The following WDR47 variants were observed in gnomAD, a reference collection of about 807,000 sequenced individuals.
The protein encoded by WDR47 is WD repeat domain 47.
Under a neutral mutation model 97.2 loss-of-function variants are expected in WDR47, and 32 were observed. The ratio of observed to expected loss-of-function variants is 0.33; its 90% CI spans 0.25 to 0.44. The LOEUF is 0.44. Ranked by LOEUF, WDR47 falls within the 20% of genes least tolerant of loss-of-function variation. The pLI, the probability that WDR47 is intolerant of heterozygous loss-of-function variation, is 1.00. For synonymous variants in WDR47, 375 were observed against 373.5 expected, an observed-to-expected ratio of 1.00 and a Z score of -0.05; for missense variants, 782 against 1,102.3, an observed-to-expected ratio of 0.71 and a Z score of 4.11.
At chr1:108,971,738 G>A (rs1657471856) in intron 14 of WDR47, among the ~76,000 whole-genome samples, 166 bp from the exon 15 acceptor site, 1 of 152,036 alleles carries the variant, frequency 6.6e-6, no homozygotes, top group African/African-American at 2.4e-5. Flanking sequence ...ACCTAATTAT[G>A]CTATTAGTAT....
chr1:108,977,124 T>C (rs901760803), intron 13 of WDR47, among the ~76,000 whole-genome samples: 1 of 152,108 alleles, frequency 6.6e-6, no homozygotes, highest in African/African-American at 2.4e-5. Flanking sequence ...CCTAGAGTGG[T>C]AGCAATAAAC....
chr1:108,972,380 C>A (rs1657514619), intron 14 of WDR47, among the ~76,000 whole-genome samples: 1 of 152,116 alleles, frequency 6.6e-6, no homozygotes, highest in Admixed American at 6.6e-5. Context: ...TGCCCCCTTA[C>A]AATCTACTCT....
At chr1:108,992,564 C>T (rs1244055063) in intron 8 of WDR47, 35 of 1,472,322 alleles carry the variant, frequency 2.4e-5, no homozygotes, top group Non-Finnish European at 2.9e-5. Context: ...GCTGCACATG[C>T]TTAAAAACAC....
chr1:108,982,500 C>G, intron 12 of WDR47, 109 bp downstream of exon 12: 1 of 1,347,320 alleles, frequency 7.4e-7, no homozygotes, highest in Non-Finnish European at 1.0e-6. Context: ...CCACTGCACT[C>G]TGGACAGTAA....
chr1:109,001,629 C>T (rs1329078074), intron 7 of WDR47, among the ~76,000 whole-genome samples: 1 of 152,086 alleles, frequency 6.6e-6, no homozygotes, highest in African/African-American at 2.4e-5. Context: ...GTGGCTCATG[C>T]CTGTAATTCC....
At position 108,992,863 on chromosome 1, in the gene WDR47, A is replaced by G. The variant is rs1429371324; in HGVS notation, c.1692-1534T>C. On this transcript the variant is annotated intron_variant, in intron 8 of 14. Coordinates refer to ENST00000369962, the MANE Select transcript of WDR47 (RefSeq NM_001142551.2). ...TTCAGCATTAAAATAAATGTAATTA[A>G]AAGGAAAAAAAAAAGTAAATCCATA... 3 of 1,335,958 alleles carry G rather than the reference A, an allele frequency of 2.2e-6. No individual in the cohort carries two copies. The African/African-American group carries it at 4.4e-5, about 20-fold the overall frequency. 82.8% of individuals were successfully genotyped at this position (1,335,958 alleles called of 1,614,324 possible).
intron 8 of WDR47, 93 bp from the exon 9 acceptor site, chr1:108,991,422 G>A (rs1659341762): frequency 1.7e-6 from 2 of 1,143,952 alleles, no homozygotes; most frequent in Admixed American, 2.0e-5. Context: ...TTTCTTTTTA[G>A]CAAACAATCC....
At chr1:109,005,857 G>A (rs1660567374) in intron 5 of WDR47, among the ~76,000 whole-genome samples, 1 of 152,026 alleles carries the variant, frequency 6.6e-6, no homozygotes, top group Non-Finnish European at 1.5e-5. Context: ...GACAGAGTGA[G>A]ACTCCACCTC....
At chr1:109,023,558 A>G (rs941467665) in intron 1 of WDR47, 37 bp from the exon 2 acceptor site, 2 of 1,575,442 alleles carry the variant, frequency 1.3e-6, no homozygotes, top group Non-Finnish European at 1.7e-6. Flanking sequence ...AGCTAGTCCT[A>G]TTGATTTATT....
chr1:109,021,924 T>C (rs1052029990), intron 2 of WDR47, among the ~76,000 whole-genome samples: 4 of 152,160 alleles, frequency 2.6e-5, no homozygotes, highest in African/African-American at 9.7e-5. Context: ...CATGGCTCAC[T>C]GCAACCTCTG....
rs758046550 is a variant in WDR47, at chr1:108,974,554, T to C, written c.2599A>G (p.Lys867Glu). The C allele has an allele frequency of 6.2e-7, 1 of 1,613,994 alleles. No individual in the cohort carries two copies. ...CAATCACCTTGTAGGTCTGTCACCT[T>C]TATTTTCATATCATAAGAGCCTGTT... ...LLTGSYDMKI[K>E]VTDLQGDLTK... Residue 867 changes from lysine to glutamate, a missense_variant, in exon 14 of 15, where the codon AAG becomes GAG. Lys to Glu is a moderately conservative substitution (Grantham distance 56, BLOSUM62 1). Around this residue, in one of 3 missense-constraint regions of WDR47, gnomAD observed 228 missense variants for 396.7 expected, o/e 0.57. Coordinates refer to ENST00000369962, the MANE Select transcript of WDR47 (RefSeq NM_001142551.2).
chr1:109,001,067 C>T (rs1054287632), intron 7 of WDR47, among the ~76,000 whole-genome samples: 39 of 151,936 alleles, frequency 2.6e-4, no homozygotes, highest in African/African-American at 9.2e-4. Flanking sequence ...GTGGGCGGAT[C>T]ACTTGAGCCC....
intron 7 of WDR47, among the ~76,000 whole-genome samples, chr1:108,997,744 A>G (rs1475247188): frequency 8.0e-6 from 1 of 124,962 alleles, no homozygotes; most frequent in Non-Finnish European, 1.6e-5. Flanking sequence ...TGGGCAACAG[A>G]GCAAGACTCC....
At chr1:108,985,194 A>G (rs1658685384) in intron 10 of WDR47, among the ~76,000 whole-genome samples, 1 of 152,204 alleles carries the variant, frequency 6.6e-6, no homozygotes. Flanking sequence ...TGAAATATAA[A>G]ATGGCTAGAA....
rs773751638 is a variant in WDR47 at position 109,011,246 on chromosome 1, A to G, written c.800T>C (p.Ile267Thr). The G allele has an allele frequency of 6.2e-7, 1 of 1,614,158 alleles. No homozygotes were observed. Among genetic ancestry groups the G allele is most frequent in the Non-Finnish European group, 8.5e-7 (1 of 1,180,044 alleles). The change falls in exon 5 of 15, where the codon ATT (isoleucine) becomes ACT (threonine). Residue 267 changes from isoleucine to threonine, a missense_variant. Physicochemically the swap from Ile to Thr is moderately conservative, Grantham distance 89. Around this residue, in one of 3 missense-constraint regions of WDR47, gnomAD observed 428 missense variants for 584.3 expected, o/e 0.73. Transcript: ENST00000369962. ...AGGTTTCAGAAGTTTGTCAACATGA[A>G]TATTAAGCATTTTCTGTTCAAAAGC... ...SCAFEQKMLNIHVDKLLKPTK... is the reference protein window; with the variant it reads ...SCAFEQKMLNTHVDKLLKPTK...
intron 1 of WDR47, among the ~76,000 whole-genome samples, chr1:109,040,035 CAAAAAA>C (rs71281820): frequency 2.0e-5 from 1 of 51,136 alleles, no homozygotes; most frequent in Non-Finnish European, 4.0e-5. Context: ...GACTCCGTCT[CAAAAAA>C]AAAAAAAAAA....
intron 14 of WDR47, among the ~76,000 whole-genome samples, chr1:108,973,495 G>C (rs933587879): frequency 4.7e-4 from 72 of 152,150 alleles, no homozygotes; most frequent in African/African-American, 1.7e-3. Flanking sequence ...CTTGATGAAT[G>C]TTTAAAACTA....
chr1:109,012,572 CAAAAAAAA>C (rs57237933), intron 4 of WDR47, among the ~76,000 whole-genome samples: 3 of 73,852 alleles, frequency 4.1e-5, no homozygotes, highest in Non-Finnish European at 7.2e-5. Flanking sequence ...GACTCCATCT[CAAAAAAAA>C]AAAAAAAAAA....
intron 13 of WDR47, among the ~76,000 whole-genome samples, chr1:108,979,267 A>G (rs1658160189): frequency 6.6e-6 from 1 of 152,242 alleles, no homozygotes; most frequent in Non-Finnish European, 1.5e-5. Context: ...AACCCCAAGG[A>G]AAATATACAC....
Sources: gnomAD v4.1 joint callset for allele counts (sites outside exome capture counted in the v4.1 genomes callset) on GRCh38, gnomAD v4.1.1 for gene constraint, gnomAD v4.1.1 regional missense constraint, MANE v1.5 for transcripts, NCBI Gene and HGNC (gene_info 2026-07-23, HGNC 2026-07-21) for gene names.